SATB2: variants seen among roughly 807,000 people sequenced by gnomAD.
SATB2 encodes SATB homeobox 2.
A neutral mutation model predicts 73.4 loss-of-function variants in SATB2; 1 was observed. That is an observed-to-expected ratio of 0.01 (90% CI 0.00 to 0.06). SATB2 has a LOEUF of 0.06. Ranked by LOEUF, SATB2 falls within the 10% of genes least tolerant of loss-of-function variation. SATB2 has a pLI of 1.00. For missense variants in SATB2, 459 were observed against 945.8 expected, an observed-to-expected ratio of 0.49 and a Z score of 6.75; for synonymous variants, 397 against 367.0, an observed-to-expected ratio of 1.08 and a Z score of -0.93.
chr2:199,348,842 G>T lies in SATB2; in HGVS notation c.1032C>A (p.Pro344=). ...AINQQFLNHP[P]IPRAVKPEPT... ...GCTCTGGCTTAACTGCTCTGGGGAT[G>T]GGTGGATGGTTCAGGAACTGCTGGT... Residue 344 remains proline (P), a synonymous_variant, in exon 7 of 11, where the codon CCC becomes CCA. Transcript: ENST00000417098. 6.2e-7 allele frequency: 1 copy of T among 1,614,122 alleles called. No individual in the cohort carries two copies. Among genetic ancestry groups the T allele is most frequent in the Non-Finnish European group, 8.5e-7 (1 of 1,179,986 alleles).
intron 3 of SATB2, among the ~76,000 whole-genome samples, chr2:199,404,618 A>C (rs1009036047): frequency 1.3e-5 from 2 of 152,202 alleles, no homozygotes; most frequent in Non-Finnish European, 2.9e-5. Context: ...CTTTAATGTT[A>C]TGTGTCTTTT....
upstream of SATB2, among the ~76,000 whole-genome samples, chr2:199,461,410 G>C (rs1037119266): frequency 1.3e-5 from 2 of 152,210 alleles, no homozygotes; most frequent in Non-Finnish European, 2.9e-5. Context: ...TAAATTTGCT[G>C]ATGATTCAAG....
intron 10 of SATB2, among the ~76,000 whole-genome samples, chr2:199,273,835 C>CA (rs532313863): frequency 1.6e-3 from 250 of 152,234 alleles, no homozygotes; most frequent in Admixed American, 3.1e-3. Context: ...CTTAGGTAAG[C>CA]TTACTCAAAG....
In SATB2 at chr2:199,464,175, T is replaced by C. The variant is rs914367999; in HGVS notation, c.-141+661A>G. On this transcript the variant is annotated intron_variant, in intron 1 of 11. Transcript: ENST00000260926. The surrounding 1 kb of genome is among the most constrained non-coding windows in gnomAD (Gnocchi z 6.6). ...GACACCGTTTCAGTCCGTCAAGACC[T>C]TGGCCTCCGGGAAAGGCCCAAGTGA... 3.3e-5 allele frequency among the ~76,000 whole-genome samples: 5 copies of C among 152,130 alleles called. No homozygotes were observed. The highest frequency in any genetic ancestry group is 1.2e-4 in the African/African-American group (5 of 41,434).
At chr2:199,469,599 T>C (rs1213770218), upstream of SATB2, 1 of 152,324 alleles carries the variant, frequency 6.6e-6, no homozygotes, top group Non-Finnish European at 1.5e-5. Context: ...ACTCTTCTGT[T>C]TTCTTAGGAA....
intron 9 of SATB2, among the ~76,000 whole-genome samples, chr2:199,309,344 C>T (rs562724166): frequency 6.6e-6 from 1 of 152,328 alleles, no homozygotes; most frequent in South Asian, 2.1e-4. Flanking sequence ...AACAAATATG[C>T]ATAACAGGAC....
intron 3 of SATB2, among the ~76,000 whole-genome samples, chr2:199,413,210 T>C (rs969770729): frequency 6.6e-6 from 1 of 152,212 alleles, no homozygotes; most frequent in East Asian, 1.9e-4. Context: ...CCGAAGCACA[T>C]ATGTAATCTT....
intron 6 of SATB2, among the ~76,000 whole-genome samples, chr2:199,351,624 T>C (rs1038779814): frequency 6.6e-6 from 1 of 152,082 alleles, no homozygotes; most frequent in African/African-American, 2.4e-5. Context: ...GATAACATAA[T>C]CTAACAGTTT....
chr2:199,423,764 C>G (rs1421437458), intron 3 of SATB2: 1 of 152,136 alleles, frequency 6.6e-6, no homozygotes, highest in Non-Finnish European at 1.5e-5. Flanking sequence ...CAATCAAGAA[C>G]AGGCTGCCCT....
intron 6 of SATB2, among the ~76,000 whole-genome samples, chr2:199,358,034 A>C (rs949782562): frequency 2.0e-5 from 3 of 152,158 alleles, no homozygotes; most frequent in African/African-American, 7.2e-5. Flanking sequence ...CAAAAATGGC[A>C]ATTCCATATG....
intron 3 of SATB2, among the ~76,000 whole-genome samples, chr2:199,427,219 T>C (rs1159915305): frequency 6.6e-6 from 1 of 152,104 alleles, no homozygotes; most frequent in Non-Finnish European, 1.5e-5. Context: ...AAGGAATTTA[T>C]AGGACTAGGA....
chr2:199,358,041 T>C (rs1298702590), intron 6 of SATB2, among the ~76,000 whole-genome samples: 3 of 152,142 alleles, frequency 2.0e-5, no homozygotes, highest in Admixed American at 1.3e-4. Context: ...GGCAATTCCA[T>C]ATGCTTCCAC....
At chr2:199,395,949 T>C (rs1690288258) in intron 3 of SATB2, 2 of 152,220 alleles carry the variant, frequency 1.3e-5, no homozygotes, top group African/African-American at 4.8e-5. Context: ...GGTCTGTCCA[T>C]GATGATGCAG....
intron 10 of SATB2, among the ~76,000 whole-genome samples, chr2:199,274,031 A>G (rs1692238810): frequency 6.6e-6 from 1 of 152,246 alleles, no homozygotes; most frequent in Non-Finnish European, 1.5e-5. Flanking sequence ...TCCAAAGGCA[A>G]AGACCACATT....
chr2:199,374,593 T>C (rs575299835), intron 5 of SATB2, among the ~76,000 whole-genome samples: 13 of 152,332 alleles, frequency 8.5e-5, no homozygotes, highest in Admixed American at 2.6e-4. Context: ...TAAGAAAACA[T>C]GTCTAGAGTC....
At chr2:199,426,431 G>A (rs1691330279) in intron 3 of SATB2, among the ~76,000 whole-genome samples, 1 of 151,858 alleles carries the variant, frequency 6.6e-6, no homozygotes, top group African/African-American at 2.4e-5. Context: ...TGGGATTACA[G>A]GTGTGCGCCA....
At chr2:199,433,948 T>TAAAGAG (rs1559052636) in intron 2 of SATB2, among the ~76,000 whole-genome samples, 1 of 151,946 alleles carries the variant, frequency 6.6e-6, no homozygotes, top group Non-Finnish European at 1.5e-5. Flanking sequence ...TATTTCTCTT[T>TAAAGAG]AAATATATTA....
chr2:199,273,162 T>G (rs1456284380), intron 10 of SATB2, among the ~76,000 whole-genome samples: 1 of 152,126 alleles, frequency 6.6e-6, no homozygotes, highest in Admixed American at 6.5e-5. Flanking sequence ...GAAACCAACC[T>G]CCTAGAGATG....
chr2:199,409,281 T>C (rs1473098265), intron 3 of SATB2, among the ~76,000 whole-genome samples: 1 of 146,506 alleles, frequency 6.8e-6, no homozygotes, highest in Non-Finnish European at 1.5e-5. Context: ...GCAATTCTCC[T>C]GCCTCAGCCT....
Sources: gnomAD v4.1 joint callset for allele counts (sites outside exome capture counted in the v4.1 genomes callset) on GRCh38, gnomAD v4.1.1 for gene constraint, Gnocchi (gnomAD v3.1) non-coding constraint, MANE v1.5 for transcripts, NCBI Gene and HGNC (gene_info 2026-07-23, HGNC 2026-07-21) for gene names.